MTCL1: variants seen among roughly 807,000 people sequenced by gnomAD.
MTCL1 encodes microtubule cross-linking factor 1.
In MTCL1, 79 loss-of-function variants were observed where a neutral mutation model predicts 141.4. That is an observed-to-expected ratio of 0.56 (90% CI 0.47 to 0.67). The LOEUF (loss-of-function observed/expected upper bound fraction) is 0.67. Among genes scored for constraint, MTCL1 ranks in the 30% least tolerant of loss-of-function variants. The pLI, the probability that MTCL1 is intolerant of heterozygous loss-of-function variation, is 0.00. For missense variants in MTCL1, 2,177 were observed against 2,113.9 expected, an observed-to-expected ratio of 1.03 and a Z score of -0.59; for synonymous variants, 914 against 875.8, an observed-to-expected ratio of 1.04 and a Z score of -0.77.
At chr18:8,776,061 G>C (rs1212516769) in intron 4 of MTCL1, among the ~76,000 whole-genome samples, 1 of 152,212 alleles carries the variant, frequency 6.6e-6, no homozygotes, top group Non-Finnish European at 1.5e-5. Context: ...GACTTGCATA[G>C]AGCCTCCTTT....
At position 8,814,543 on chromosome 18, in the gene MTCL1, G is replaced by A. The variant is rs577337464; in HGVS notation, c.2859+1310G>A. Among the ~76,000 whole-genome samples, 27 of 152,294 alleles carry A rather than the reference G, an allele frequency of 1.8e-4. No homozygotes were observed. The South Asian group carries it at 5.2e-3, about 29-fold the overall frequency. On this transcript the variant is annotated intron_variant, in intron 12 of 16. Transcript: ENST00000359865. ...CTGTATTAAATCTCCTGTGTATGTCGTTGCTCTATGGTTAGGTGGAAATTT... is the reference window on the plus strand; with the variant it reads ...CTGTATTAAATCTCCTGTGTATGTCATTGCTCTATGGTTAGGTGGAAATTT...
chr18:8,773,235 C>T (rs1054958723), intron 4 of MTCL1, among the ~76,000 whole-genome samples: 87 of 152,060 alleles, frequency 5.7e-4, no homozygotes, highest in Non-Finnish European at 4.4e-4. Context: ...CAAGTTGCAC[C>T]ACCATCCCCC....
At chr18:8,768,814 T>TG (rs2096471760) in intron 4 of MTCL1, among the ~76,000 whole-genome samples, 1 of 130,384 alleles carries the variant, frequency 7.7e-6, no homozygotes, top group Non-Finnish European at 1.6e-5. Context: ...TTTTTTGAGA[T>TG]GGAGTCTCGC....
At chr18:8,714,832 C>T (rs556919500), upstream of MTCL1, among the ~76,000 whole-genome samples, 2 of 152,056 alleles carry the variant, frequency 1.3e-5, no homozygotes, top group African/African-American at 4.8e-5. Context: ...AGTCTCACTC[C>T]ATCGCCCAGG....
At chr18:8,758,181 G>A (rs931620529) in intron 4 of MTCL1, among the ~76,000 whole-genome samples, 2 of 152,168 alleles carry the variant, frequency 1.3e-5, no homozygotes, top group East Asian at 3.9e-4. Context: ...GCACCACCAT[G>A]CCTGGCTAAT....
At position 8,808,401 on chromosome 18, in the gene MTCL1, A is replaced by G. The variant is rs571497809; in HGVS notation, c.2604+1341A>G. 9.8e-5 allele frequency among the ~76,000 whole-genome samples: 15 copies of G among 152,316 alleles called. 1 individual carries two copies. In the South Asian group the frequency reaches 2.9e-3, roughly 30 times the overall value. On this transcript the variant is annotated intron_variant, in intron 11 of 16. Coordinates refer to ENST00000359865, the Ensembl canonical transcript of MTCL1. ...ATGCAAGCCAGTTTCAAAACATTTC[A>G]TCTTTGTTTTATAGGAACGTAGTAT... is the stretch of plus-strand genomic sequence containing the variant.
At chr18:8,741,608 T>C (rs1344744581) in intron 4 of MTCL1, among the ~76,000 whole-genome samples, 6 of 152,148 alleles carry the variant, frequency 3.9e-5, no homozygotes, top group African/African-American at 1.4e-4. Context: ...CACCAACTCA[T>C]GCACACCCAA....
Position 8,705,876 on chromosome 18 carries a change from C to G in MTCL1, c.216C>G (p.Pro72=). ...CCTCCTCGGGCCGAGCCCCGGCTCC[C>G]GCCGCCCCGCGCTCGCCCAACCTCG... Residue 72 remains proline, a synonymous_variant, in exon 1 of 14, where the codon CCC becomes CCG. Coordinates refer to the MTCL1 transcript ENST00000306329. This position sits in a 1 kb window ranked among gnomAD's most constrained non-coding sequence, Gnocchi z 5.2. The G allele has an allele frequency of 8.9e-7, 1 of 1,121,420 alleles. No homozygotes were observed. The highest frequency in any genetic ancestry group is 1.1e-6 in the Non-Finnish European group (1 of 917,024). 69.5% of individuals were successfully genotyped at this position (1,121,420 alleles called of 1,614,324 possible). A position where few individuals can be genotyped will look rare whatever the true frequency, so the allele number is the denominator to read the frequency against.
intron 16 of MTCL1, chr18:8,831,120 T>C: frequency 1.0e-6 from 1 of 987,640 alleles, no homozygotes; most frequent in Non-Finnish European, 1.2e-6. Context: ...TTAAGACGAC[T>C]GCCATTGCTA....
chr18:8,795,117 G>T (rs1413653827), intron 8 of MTCL1, among the ~76,000 whole-genome samples: 1 of 152,228 alleles, frequency 6.6e-6, no homozygotes, highest in African/African-American at 2.4e-5. Flanking sequence ...TACAGTAAAG[G>T]TCAGGTATTA....
At chr18:8,786,118 CCCCG>C in intron 7 of MTCL1, 27 bp downstream of exon 6, 1 of 1,400,604 alleles carries the variant, frequency 7.1e-7, no homozygotes, top group East Asian at 2.8e-5. Flanking sequence ...AATCCCCCCC[CCCCG>C]CCCTCCCCCT....
chr18:8,825,578 A>G, exon 15 of MTCL1: 1 of 1,613,404 alleles, frequency 6.2e-7, no homozygotes, highest in Non-Finnish European at 8.5e-7. Context: ...GCGGTGCTAC[A>G]CCCGTGTCGT....
intron 5 of MTCL1, chr18:8,782,687 G>A (rs1168000878): frequency 6.6e-6 from 1 of 152,146 alleles, no homozygotes; most frequent in Non-Finnish European, 1.5e-5. Context: ...TTAATTTCCT[G>A]CTGTGTTATA....
At chr18:8,784,875 C>T (rs748482482) in intron 6 of MTCL1, 32 bp downstream of exon 5, 9 of 1,518,044 alleles carry the variant, frequency 5.9e-6, no homozygotes, top group Non-Finnish European at 8.0e-6. Flanking sequence ...CCTCCCTGCT[C>T]CGCCTTGCTC....
At chr18:8,749,628 G>T (rs1177328748) in intron 4 of MTCL1, among the ~76,000 whole-genome samples, 2 of 152,228 alleles carry the variant, frequency 1.3e-5, no homozygotes, top group Admixed American at 6.5e-5. Flanking sequence ...CAGATCCAAT[G>T]GTGGGCCCGA....
At chr18:8,831,003 A>C (rs2144570930) in intron 16 of MTCL1, 1 of 986,070 alleles carries the variant, frequency 1.0e-6, no homozygotes, top group East Asian at 1.1e-4. Context: ...GTCATTAAAG[A>C]AAACCAGACC....
At chr18:8,825,648 A>G (rs779169649) in exon 15 of MTCL1, 2 of 1,613,794 alleles carry the variant, frequency 1.2e-6, no homozygotes, top group Non-Finnish European at 1.7e-6. Context: ...GGTGCAGGCC[A>G]AGTTTGAACG....
exon 6 of MTCL1, chr18:8,784,007 A>G: frequency 6.2e-7 from 1 of 1,613,694 alleles, no homozygotes; most frequent in East Asian, 2.2e-5. Context: ...CGAAGACCAC[A>G]ACCGGCAACT....
chr18:8,756,830 T>C (rs1480279450), intron 4 of MTCL1, among the ~76,000 whole-genome samples: 1 of 152,108 alleles, frequency 6.6e-6, no homozygotes, highest in Non-Finnish European at 1.5e-5. Flanking sequence ...AGGAATATAT[T>C]TAGTGGGCAA....
Sources: gnomAD v4.1 joint callset for allele counts (sites outside exome capture counted in the v4.1 genomes callset) on GRCh38, gnomAD v4.1.1 for gene constraint, Gnocchi (gnomAD v3.1) non-coding constraint, MANE v1.5 for transcripts, NCBI Gene and HGNC (gene_info 2026-07-23, HGNC 2026-07-21) for gene names.